Variants in NICN1 observed in about 807,000 individuals in gnomAD.
NICN1 encodes the protein nicolin 1, tubulin polyglutamylase complex subunit, also known as nicolin-1.
A neutral mutation model predicts 26.3 loss-of-function variants in NICN1; 18 were observed. That is an observed-to-expected ratio of 0.68 (90% CI 0.47 to 1.01). NICN1 has a LOEUF of 1.01. Ranked by LOEUF, NICN1 falls within the 50% of genes least tolerant of loss-of-function variation. NICN1 has a pLI of 0.00. For missense variants in NICN1, 239 were observed against 278.3 expected (o/e 0.86, Z 1.00); for synonymous variants, 109 against 111.0 (o/e 0.98, Z 0.11).
Position 49,422,570 on chromosome 3 carries a change from G to T in NICN1, c.*2263C>A, listed in dbSNP as rs1186157046. ...TCTCCGGAGCAAAGGATCTGAAGGG[G>T]GCGTGGGCAGCCCCAAGGGCAGGCT... On this transcript the variant is annotated 3_prime_UTR_variant, in exon 6 of 6. Coordinates refer to ENST00000273598, the MANE Select transcript of NICN1 (RefSeq NM_032316.3). 3.6e-6 allele frequency: 4 copies of T among 1,126,644 alleles called. No individual in the cohort carries two copies. Among genetic ancestry groups the T allele is most frequent in the Non-Finnish European group, 5.2e-6 (4 of 762,046 alleles). The allele number at this position is 1,126,644 out of a possible 1,614,324, so 69.8% of individuals were successfully genotyped here. A position where few individuals can be genotyped will look rare whatever the true frequency, so the allele number is the denominator to read the frequency against.
Position 49,429,282 on chromosome 3 carries a change from C to T in NICN1, c.-43G>A, listed in dbSNP as rs1224436476. The T allele has an allele frequency of 2.6e-6, 4 of 1,549,470 alleles. No individual in the cohort carries two copies. Among genetic ancestry groups the T allele is most frequent in the Non-Finnish European group, 3.5e-6 (4 of 1,144,238 alleles). On this transcript the variant is annotated 5_prime_UTR_variant, in exon 1 of 6. Transcript: ENST00000273598. ...CTAAGTGCAACCGCCGCTCTAGGCC[C>T]CCGACCACCAGCCCTTCCCGGCATC...
rs758730331 is a variant in NICN1 at position 49,429,253 on chromosome 3, G to T, written c.-14C>A. ...AACGCGGGACATGGTGACAGCAGCC[G>T]CAACTAAGTGCAACCGCCGCTCTAG... On this transcript the variant is annotated 5_prime_UTR_variant, in exon 1 of 6. The change creates a premature stop within an existing upstream ORF in the 5' untranslated region. Transcript: ENST00000273598. 2 of 1,580,732 alleles carry T rather than the reference G, an allele frequency of 1.3e-6. No individual in the cohort carries two copies. The highest frequency in any genetic ancestry group is 8.6e-7 in the Non-Finnish European group (1 of 1,161,540).
At position 49,422,681 on chromosome 3, in the gene NICN1, G is replaced by A. The variant is rs1411036227; in HGVS notation, c.*2152C>T. 1 of 672,900 alleles carries A rather than the reference G, an allele frequency of 1.5e-6. No homozygotes were observed. Among genetic ancestry groups the A allele is most frequent in the Non-Finnish European group, 2.7e-6 (1 of 368,494 alleles). The allele number at this position is 672,900 out of a possible 1,614,324, so 41.7% of individuals were successfully genotyped here. On this transcript the variant is annotated 3_prime_UTR_variant, in exon 6 of 6. Transcript: ENST00000273598. ...CGGCTGACTCTTCAGGGCAGCTCGG[G>A]CAATCCAGAGCTGATTGGGCTGCCC...
At chr3:49,427,218 G>A (rs868694476) in intron 1 of NICN1, among the ~76,000 whole-genome samples, 14 of 152,122 alleles carry the variant, frequency 9.2e-5, no homozygotes, top group African/African-American at 3.1e-4. Context: ...CTACTCGGGA[G>A]GCTGAGGCAG....
intron 1 of NICN1, among the ~76,000 whole-genome samples, chr3:49,427,322 CAAA>C (rs1336376899): frequency 7.4e-5 from 8 of 108,766 alleles, no homozygotes; most frequent in Admixed American, 1.9e-4. Flanking sequence ...GACACGGTCT[CAAA>C]AAAAAAAAAA....
Position 49,425,970 on chromosome 3 carries a change from C to T in NICN1, c.336G>A (p.Ser112=), listed in dbSNP as rs562803382. ...GCTGCCGCAGAATCAGGCGTAGCTC[C>T]GATATTCTAGCCATGTCACACAGCA... The part of the protein sequence containing the change: ...HQMLCDMARI[S]ELRLILRQPS... The change falls in exon 3 of 6, where the codon TCG becomes TCA. Residue 112 remains serine, a synonymous_variant. Coordinates refer to ENST00000273598, the MANE Select transcript of NICN1 (RefSeq NM_032316.3). The T allele has an allele frequency of 5.6e-5, 90 of 1,610,754 alleles. No individual in the cohort carries two copies. In the South Asian group the frequency reaches 8.0e-4, roughly 14 times the overall value.
rs1045119115 is a variant in NICN1, at chr3:49,422,573, G to A, written c.*2260C>T. Reference sequence around the variant, plus strand: ...CCGGAGCAAAGGATCTGAAGGGGGCGTGGGCAGCCCCAAGGGCAGGCTGGG... The same window carrying A: ...CCGGAGCAAAGGATCTGAAGGGGGCATGGGCAGCCCCAAGGGCAGGCTGGG... On this transcript the variant is annotated 3_prime_UTR_variant, in exon 6 of 6. Coordinates refer to ENST00000273598, the MANE Select transcript of NICN1 (RefSeq NM_032316.3). 1.9e-5 allele frequency: 21 copies of A among 1,088,454 alleles called. No homozygotes were observed. The highest frequency in any genetic ancestry group is 9.9e-5 in the Admixed American group (5 of 50,468). The allele number at this position is 1,088,454 out of a possible 1,614,324, so 67.4% of individuals were successfully genotyped here.
intron 1 of NICN1, 122 bp downstream of exon 1, chr3:49,428,986 A>G (rs970595702): frequency 1.3e-5 from 12 of 912,330 alleles, no homozygotes; most frequent in Non-Finnish European, 1.8e-5. Flanking sequence ...TGATTAACTA[A>G]TTTGCAAGGG....
intron 1 of NICN1, among the ~76,000 whole-genome samples, chr3:49,427,130 G>C (rs1021677467): frequency 2.0e-5 from 3 of 152,016 alleles, no homozygotes; most frequent in Non-Finnish European, 4.4e-5. Flanking sequence ...GACCATCCTG[G>C]CTAACACAGT....
chr3:49,422,522 A>G lies in NICN1; in HGVS notation c.*2311T>C, dbSNP rs757232514. ...CCAGGCACGCCGGGAGATGTAGTCC[A>G]GGCCTCTGCTCGGACAGGTCTCTCT... On this transcript the variant is annotated 3_prime_UTR_variant, in exon 6 of 6. Coordinates refer to ENST00000273598, the MANE Select transcript of NICN1 (RefSeq NM_032316.3). The G allele has an allele frequency of 2.7e-6, 4 of 1,479,380 alleles. No homozygotes were observed. Among genetic ancestry groups the G allele is most frequent in the Non-Finnish European group, 9.3e-7 (1 of 1,071,834 alleles). The allele number at this position is 1,479,380 out of a possible 1,614,324, so 91.6% of individuals were successfully genotyped here.
chr3:49,424,518 G>C lies in NICN1; in HGVS notation c.*315C>G, dbSNP rs2049154697. ...CACTGACATGAGGGAGCAGGCAGAA[G>C]ACAGGAATGTGCATGTTGCCAGAAG... On this transcript the variant is annotated 3_prime_UTR_variant, in exon 6 of 6. Transcript: ENST00000273598. 1.9e-6 allele frequency: 1 copy of C among 528,692 alleles called. No homozygotes were observed. The highest frequency in any genetic ancestry group is 3.2e-5 in the Admixed American group (1 of 31,240). 32.8% of individuals were successfully genotyped at this position (528,692 alleles called of 1,614,324 possible). A position where few individuals can be genotyped will look rare whatever the true frequency, so the allele number is the denominator to read the frequency against.
chr3:49,422,333 C>T lies in NICN1; in HGVS notation c.*2500G>A, dbSNP rs2049121862. The T allele has an allele frequency of 6.2e-7, 1 of 1,613,878 alleles. No individual in the cohort carries two copies. The highest frequency in any genetic ancestry group is 8.5e-7 in the Non-Finnish European group (1 of 1,179,926). On this transcript the variant is annotated 3_prime_UTR_variant, in exon 6 of 6. Transcript: ENST00000273598. ...GCCCCCAGCCGCTTCCCTCCCCCAC[C>T]CTCCAAGATCAGCACCCTCTATCCC...
chr3:49,425,878 C>T lies in NICN1; in HGVS notation c.423+5G>A, dbSNP rs1262201249. On this transcript the variant is annotated splice_donor_5th_base_variant and intron_variant, in intron 3 of 5. Transcript: ENST00000273598. Reference sequence around the variant, plus strand: ...GGCCAGCCAGCAGCTGAGCTAGTCACTTACCTTTGGTCCCTGCTGATAGAT... The same window carrying T: ...GGCCAGCCAGCAGCTGAGCTAGTCATTTACCTTTGGTCCCTGCTGATAGAT... The T allele has an allele frequency of 6.5e-7, 1 of 1,530,140 alleles. No homozygotes were observed. Among genetic ancestry groups the T allele is most frequent in the Non-Finnish European group, 9.0e-7 (1 of 1,108,166 alleles). 94.8% of individuals were successfully genotyped at this position (1,530,140 alleles called of 1,614,324 possible).
chr3:49,428,657 G>T (rs1432847876), intron 1 of NICN1, among the ~76,000 whole-genome samples: 1 of 150,730 alleles, frequency 6.6e-6, no homozygotes, highest in Non-Finnish European at 1.5e-5. Flanking sequence ...GGAGGCAGAG[G>T]TTGCGGTGAG....
Position 49,425,423 on chromosome 3 carries a change from A to G in NICN1, c.439T>C (p.Phe147Leu), listed in dbSNP as rs181568602. 2.4e-4 allele frequency: 391 copies of G among 1,612,542 alleles called. No individual in the cohort carries two copies. The highest frequency in any genetic ancestry group is 3.7e-4 in the Admixed American group (22 of 59,764). The change falls in exon 4 of 6, where the codon TTT becomes CTT. Residue 147 changes from phenylalanine to leucine, a missense_variant. Physicochemically the swap from Phe to Leu is conservative, Grantham distance 22. Coordinates refer to ENST00000273598, the MANE Select transcript of NICN1 (RefSeq NM_032316.3). ...QQGPKSPSVT[F>L]PKWLSHPVPC... ...ACTGGGTGGGAGAGCCACTTGGGAAAGGTCACGGAGGGGCTCTGCAAAGCA... is the reference window on the plus strand; with the variant it reads ...ACTGGGTGGGAGAGCCACTTGGGAAGGGTCACGGAGGGGCTCTGCAAAGCA...
At chr3:49,426,498 A>G (rs1442586350) in intron 1 of NICN1, 70 bp from the exon 2 acceptor site, 2 of 1,143,400 alleles carry the variant, frequency 1.7e-6, no homozygotes, top group South Asian at 1.4e-5. Context: ...CAAAGATCAA[A>G]GGTGCCACCT....
chr3:49,425,853 G>A (rs762438542), intron 3 of NICN1, 30 bp downstream of exon 3: 5 of 1,262,656 alleles, frequency 4.0e-6, no homozygotes, highest in Non-Finnish European at 4.6e-6. Context: ...CTGGGGAAAG[G>A]GCCAGCCAGC....
intron 1 of NICN1, among the ~76,000 whole-genome samples, chr3:49,427,304 CA>C (rs932426052): frequency 8.3e-5 from 11 of 132,040 alleles, no homozygotes; most frequent in African/African-American, 3.2e-4. Flanking sequence ...CTGGGCGCGA[CA>C]GAGCAAGACA....
chr3:49,426,528 T>TC, intron 1 of NICN1, 100 bp from the exon 2 acceptor site: 1 of 849,546 alleles, frequency 1.2e-6, no homozygotes, highest in Non-Finnish European at 1.8e-6. Context: ...CCCCACCTTT[T>TC]CTTTTTTTTT....
Sources: gnomAD v4.1 joint callset for allele counts (sites outside exome capture counted in the v4.1 genomes callset) on GRCh38, gnomAD v4.1.1 for gene constraint, MANE v1.5 for transcripts, NCBI Gene and HGNC (gene_info 2026-07-23, HGNC 2026-07-21) for gene names.